The following PNPLA8 variants were observed in gnomAD, a reference collection of about 807,000 sequenced individuals.
The protein encoded by PNPLA8 is calcium-independent phospholipase A2-gamma.
In PNPLA8, 39 loss-of-function variants were observed where a neutral mutation model predicts 76.9. That is an observed-to-expected ratio of 0.51 (90% confidence interval 0.39 to 0.66). PNPLA8 has a LOEUF of 0.66. PNPLA8 is among the 30% of genes least tolerant of loss of function. PNPLA8 has a pLI of 0.00. For synonymous variants in PNPLA8, 301 were observed against 307.9 expected, an observed-to-expected ratio of 0.98 and a Z score of 0.24; for missense variants, 887 against 918.0, an observed-to-expected ratio of 0.97 and a Z score of 0.44.
chr7:108,480,702 C>G (rs532849543), intron 9 of PNPLA8: 3 of 420,684 alleles, frequency 7.1e-6, no homozygotes, highest in Non-Finnish European at 1.5e-5. Flanking sequence ...ATGGTGCATA[C>G]AACCTTGTAA....
chr7:108,514,147 G>C lies in PNPLA8; in HGVS notation c.1203C>G (p.Val401=). Residue 401 remains valine (V), a synonymous_variant, in exon 4 of 11, where the codon GTC becomes GTG. Coordinates refer to ENST00000257694, the MANE Select transcript of PNPLA8 (RefSeq NM_001256007.3). ...GATTAAATAAATTAGAAATTACCTTGACAGCCACTCCTTTTCCTTCAGGAA... is the reference window on the plus strand; with the variant it reads ...GATTAAATAAATTAGAAATTACCTTCACAGCCACTCCTTTTCCTTCAGGAA... ...LEFPEGKGVA[V]KERIIPYLLR... 1.3e-6 allele frequency: 2 copies of C among 1,589,562 alleles called. No homozygotes were observed. The highest frequency in any genetic ancestry group is 1.7e-6 in the Non-Finnish European group (2 of 1,165,788).
chr7:108,474,790 T>C (rs1236883220), intron 10 of PNPLA8, among the ~76,000 whole-genome samples: 1 of 152,278 alleles, frequency 6.6e-6, no homozygotes, highest in Non-Finnish European at 1.5e-5. Flanking sequence ...TTGATTTATA[T>C]GTCTATCTTT....
At chr7:108,484,251 C>T (rs1444176784) in intron 9 of PNPLA8, among the ~76,000 whole-genome samples, 1 of 152,198 alleles carries the variant, frequency 6.6e-6, no homozygotes, top group Non-Finnish European at 1.5e-5. Context: ...TCTGGGCTCA[C>T]TCTAATCTAG....
chr7:108,505,714 A>T (rs971262261), intron 4 of PNPLA8, among the ~76,000 whole-genome samples: 8 of 152,186 alleles, frequency 5.3e-5, no homozygotes, highest in Admixed American at 5.2e-4. Flanking sequence ...CAGGACACAA[A>T]ATACTAACTA....
intron 10 of PNPLA8, among the ~76,000 whole-genome samples, chr7:108,478,012 T>C (rs1860120394): frequency 6.6e-6 from 1 of 152,156 alleles, no homozygotes; most frequent in African/African-American, 2.4e-5. Flanking sequence ...TGCATTCTTG[T>C]TGGACAGAAG....
chr7:108,483,674 T>G (rs958414658), intron 9 of PNPLA8, among the ~76,000 whole-genome samples: 1 of 152,216 alleles, frequency 6.6e-6, no homozygotes, highest in Non-Finnish European at 1.5e-5. Context: ...ATTTTTAAAT[T>G]TAGCTATCTT....
chr7:108,502,709 T>A, intron 4 of PNPLA8, 67 bp from the exon 5 acceptor site: 2 of 1,162,750 alleles, frequency 1.7e-6, no homozygotes, highest in Non-Finnish European at 1.3e-6. Flanking sequence ...TGATTATTAT[T>A]AACCAATACA....
In PNPLA8 at chr7:108,514,986, G is replaced by T. The variant is rs1299472702; in HGVS notation, c.506C>A (p.Pro169His). ...AATGTGACTTTTCTCTTCTGGAAAA[G>T]GACTCTTTTCTGCTGATTTGTCACT... ...KYSDKSAEKS[P>H]FPEEKSHIID... is the part of the protein sequence containing the mutation. Residue 169 changes from proline to histidine, a missense_variant, in exon 3 of 11, where the codon CCT becomes CAT. Coordinates refer to ENST00000257694, the MANE Select transcript of PNPLA8 (RefSeq NM_001256007.3). 4 of 1,608,286 alleles carry T rather than the reference G, an allele frequency of 2.5e-6. No homozygotes were observed. The highest frequency in any genetic ancestry group is 2.5e-6 in the Non-Finnish European group (3 of 1,179,624).
chr7:108,519,768 A>G (rs1397618071), intron 2 of PNPLA8, among the ~76,000 whole-genome samples: 1 of 152,024 alleles, frequency 6.6e-6, no homozygotes, highest in Non-Finnish European at 1.5e-5. Context: ...CTACAAAAAG[A>G]CCAGACAGAT....
At chr7:108,480,757 C>G (rs552495220) in intron 9 of PNPLA8, 2 of 401,314 alleles carry the variant, frequency 5.0e-6, no homozygotes, top group South Asian at 3.6e-5. Context: ...TCAGATTATA[C>G]AGTAAAATTA....
intron 5 of PNPLA8, among the ~76,000 whole-genome samples, chr7:108,500,837 C>G (rs1219943102): frequency 6.6e-6 from 1 of 152,048 alleles, no homozygotes; most frequent in East Asian, 1.9e-4. Flanking sequence ...TCAGTTGAAC[C>G]TGGGAGGTGG....
At chr7:108,517,935 G>A (rs1416779973) in intron 2 of PNPLA8, among the ~76,000 whole-genome samples, 2 of 152,128 alleles carry the variant, frequency 1.3e-5, no homozygotes, top group Admixed American at 1.3e-4. Flanking sequence ...GCCTGGCTTA[G>A]GTAGCTTATA....
At chr7:108,495,186 T>A (rs888178305) in intron 7 of PNPLA8, among the ~76,000 whole-genome samples, 25 of 152,322 alleles carry the variant, frequency 1.6e-4, no homozygotes, top group African/African-American at 5.3e-4. Flanking sequence ...ATGCATATCC[T>A]CTGGCCCACA....
intron 5 of PNPLA8, among the ~76,000 whole-genome samples, chr7:108,499,014 T>A (rs1272146438): frequency 6.6e-6 from 1 of 152,196 alleles, no homozygotes; most frequent in African/African-American, 2.4e-5. Flanking sequence ...ATTTTTTAAA[T>A]ACAACAAATA....
chr7:108,472,646 G>T lies in PNPLA8; in HGVS notation c.2104C>A (p.Pro702Thr). The change falls in exon 11 of 11, where the codon CCT becomes ACT. Residue 702 changes from proline (P) to threonine (T), a missense_variant. Pro to Thr is a conservative substitution (Grantham distance 38). Coordinates refer to ENST00000257694, the MANE Select transcript of PNPLA8 (RefSeq NM_001256007.3). Reference sequence around the variant, plus strand: ...TTGAATCTAAAATAGGTGTCAGGAGGTAACAGGCCATCAAGCATTATATGG... The same window carrying T: ...TTGAATCTAAAATAGGTGTCAGGAGTTAACAGGCCATCAAGCATTATATGG... ...EVHIMLDGLL[P>T]PDTYFRFNPV... 1 of 1,592,070 alleles carries T rather than the reference G, an allele frequency of 6.3e-7. No individual in the cohort carries two copies.
rs543677957 is a variant in PNPLA8, at chr7:108,488,954, T to C, written c.1684-1001A>G. Among the ~76,000 whole-genome samples, 8 of 152,330 alleles carry C rather than the reference T, an allele frequency of 5.3e-5. 1 individual carries two copies. The South Asian group carries it at 1.7e-3, about 32-fold the overall frequency. ...AATAAACAAAGGTCACATGCCAAAT[T>C]CCTGTGAGTAATCCAAGTCTGTCTC... On this transcript the variant is annotated intron_variant, in intron 8 of 10. Transcript: ENST00000257694.
At chr7:108,510,588 G>A in intron 4 of PNPLA8, 5 of 1,525,428 alleles carry the variant, frequency 3.3e-6, no homozygotes, top group Non-Finnish European at 4.5e-6. Context: ...ATCTACAATG[G>A]AACCTTTGTG....
At chr7:108,506,165 G>C (rs1049165030) in intron 4 of PNPLA8, among the ~76,000 whole-genome samples, 2 of 152,146 alleles carry the variant, frequency 1.3e-5, no homozygotes, top group Admixed American at 6.5e-5. Flanking sequence ...ATTACTTGAG[G>C]TCAGGAGTTG....
rs373113773 is a variant in PNPLA8, at chr7:108,510,176, A to AT, written c.1206+3967dup. ...CATGTACCCTAAAACTTAAAGTATA[A>AT]TAAAAAAAAAAAAAAAGAAAGAAAA... On this transcript the variant is annotated intron_variant, in intron 4 of 10. Coordinates refer to ENST00000257694, the MANE Select transcript of PNPLA8 (RefSeq NM_001256007.3). 5,251 of 694,648 alleles carry AT rather than the reference A, an allele frequency of 7.6e-3. 5 individuals carry two copies. Among genetic ancestry groups the AT allele is most frequent in the Non-Finnish European group, 0.01 (4,537 of 441,588 alleles). The allele number at this position is 694,648 out of a possible 1,614,324, so 43.0% of individuals were successfully genotyped here.
Sources: gnomAD v4.1 joint callset for allele counts (sites outside exome capture counted in the v4.1 genomes callset) on GRCh38, gnomAD v4.1.1 for gene constraint, MANE v1.5 for transcripts, NCBI Gene and HGNC (gene_info 2026-07-23, HGNC 2026-07-21) for gene names.